The following LRP3 variants were observed in gnomAD, a reference collection of about 807,000 sequenced individuals.
The protein encoded by LRP3 is low-density lipoprotein receptor-related protein 3.
LRP3 carries 49 observed loss-of-function variants against 58.5 expected under a neutral mutation model. That is an observed-to-expected ratio of 0.84 (90% CI 0.67 to 1.06). The LOEUF is 1.06. Among genes scored for constraint, LRP3 ranks in the 50% least tolerant of loss-of-function variants. The pLI is 0.00. For missense variants in LRP3, 1,019 were observed against 1,134.2 expected (o/e 0.90, Z 1.46); for synonymous variants, 485 against 492.2 (o/e 0.99, Z 0.20).
intron 2 of LRP3, among the ~76,000 whole-genome samples, chr19:33,200,548 C>T (rs1395704204): frequency 6.6e-6 from 1 of 152,200 alleles, no homozygotes; most frequent in Non-Finnish European, 1.5e-5. Context: ...GATTTCTTCA[C>T]CCTACACCTC....
chr19:33,205,427 C>A lies in LRP3; in HGVS notation c.657C>A (p.Cys219Ter). 6.3e-7 allele frequency: 1 copy of A among 1,591,400 alleles called. No homozygotes were observed. Among genetic ancestry groups the A allele is most frequent in the Non-Finnish European group, 8.6e-7 (1 of 1,169,246 alleles). The change falls in exon 5 of 7, where the codon TGC (cysteine) becomes TGA (stop). Residue 219 changes from cysteine to a stop codon, truncating the protein, a stop_gained. Transcript: ENST00000253193. LOFTEE classifies it high-confidence loss of function. Reference protein sequence around the residue: ...GSLCPGGTFPCSGARSTRCLP... With the variant: ...GSLCPGGTFP ...TGTGCCCCGGGGGGACCTTCCCATG[C>A]AGCGGGGCGCGCTCCACGCGCTGCC... is the stretch of plus-strand genomic sequence containing the variant.
chr19:33,204,835 G>A lies in LRP3; in HGVS notation c.458G>A (p.Arg153His), dbSNP rs201977367. ...AGCTCCGGCCAGGCCCAGGGCTTCCGTCTGTCTTACATCCGAGGTGATGGA... is the reference window on the plus strand; with the variant it reads ...AGCTCCGGCCAGGCCCAGGGCTTCCATCTGTCTTACATCCGAGGTGATGGA... ...ASSSGQAQGF[R>H]LSYIRGKLGQ... The change falls in exon 4 of 7, where the codon CGT (arginine) becomes CAT (histidine). Residue 153 changes from arginine (R) to histidine (H), a missense_variant. Arg to His is a conservative substitution (Grantham distance 29, BLOSUM62 0). Around this residue, in one of 2 missense-constraint regions of LRP3, gnomAD observed 592 missense variants for 725.5 expected, o/e 0.82. Transcript: ENST00000253193. 124 of 1,613,270 alleles carry A rather than the reference G, an allele frequency of 7.7e-5. No individual in the cohort carries two copies. The highest frequency in any genetic ancestry group is 4.8e-4 in the South Asian group (44 of 91,080).
intron 2 of LRP3, among the ~76,000 whole-genome samples, 181 bp downstream of exon 2, chr19:33,196,958 T>C (rs575120025): frequency 2.0e-5 from 3 of 152,304 alleles, no homozygotes; most frequent in Admixed American, 1.3e-4. Flanking sequence ...AGTTTCCTCA[T>C]CTGTAAAGTG....
rs565756247 is a variant in LRP3, at chr19:33,205,322, G to A, written c.552G>A (p.Gln184=). ...GCAAGTGCCTGCCCGGCCCGTGGCA[G>A]TGCAACACGGTGGACGAGTGTGGAG... The part of the protein sequence containing the change: ...DNGKCLPGPW[Q]CNTVDECGDG... Residue 184 remains glutamine (Q), a synonymous_variant, in exon 5 of 7, where the codon CAG becomes CAA. Transcript: ENST00000253193. The A allele has an allele frequency of 5.6e-6, 9 of 1,611,958 alleles. No homozygotes were observed. In the South Asian group the frequency reaches 8.8e-5, roughly 16 times the overall value.
At chr19:33,203,126 CA>C (rs1316177531) in intron 3 of LRP3, 140 bp downstream of exon 3, 7 of 1,081,952 alleles carry the variant, frequency 6.5e-6, no homozygotes, top group Non-Finnish European at 9.2e-6. Flanking sequence ...GGATCATGTG[CA>C]TGTGTGTGAG....
In LRP3 at chr19:33,207,419, G is replaced by A; in HGVS notation, c.2157G>A (p.Glu719=). Reference sequence around the variant, plus strand: ...CAGCTCCTGCAGATGCACCTCGGGAGCCCTGCTCAGCCCAGGACCCGCACC... The same window carrying A: ...CAGCTCCTGCAGATGCACCTCGGGAACCCTGCTCAGCCCAGGACCCGCACC... ...DGPAPADAPR[E]PCSAQDPHPQ... Residue 719 remains glutamate, a synonymous_variant, in exon 7 of 7, where the codon GAG becomes GAA. Transcript: ENST00000253193. The A allele has an allele frequency of 1.9e-6, 3 of 1,592,034 alleles. No homozygotes were observed. The East Asian group carries it at 6.8e-5, about 36-fold the overall frequency.
rs1442258276 is a variant in LRP3 at position 33,207,126 on chromosome 19, A to C, written c.1864A>C (p.Ile622Leu). The change falls in exon 7 of 7, where the codon ATC becomes CTC. Residue 622 changes from isoleucine to leucine, a missense_variant. Around this residue, in one of 2 missense-constraint regions of LRP3, gnomAD observed 427 missense variants for 408.6 expected, o/e 1.04. Transcript: ENST00000253193. ...FHRPRAPRGQ[I>L]PLLTAARPSQ... ...CCGGCCGCGGGCGCCCCGAGGCCAG[A>C]TCCCACTGCTGACCGCAGCACGCCC... 22 of 1,530,672 alleles carry C rather than the reference A, an allele frequency of 1.4e-5. No homozygotes were observed. Among genetic ancestry groups the C allele is most frequent in the Non-Finnish European group, 2.6e-6 (3 of 1,142,382 alleles). The allele number at this position is 1,530,672 out of a possible 1,614,324, so 94.8% of individuals were successfully genotyped here. A position where few individuals can be genotyped will look rare whatever the true frequency, so the allele number is the denominator to read the frequency against.
At chr19:33,204,582 G>A (rs2145455247) in intron 3 of LRP3, 56 bp from the exon 4 acceptor site, 12 of 1,314,990 alleles carry the variant, frequency 9.1e-6, no homozygotes, top group Non-Finnish European at 1.2e-5. Context: ...GCTGGTCCTC[G>A]GCCATGGAGA....
intron 3 of LRP3, chr19:33,204,104 A>T (rs1974372728): frequency 6.3e-6 from 1 of 159,042 alleles, no homozygotes; most frequent in South Asian, 1.9e-4. Flanking sequence ...CAGTTTCCCC[A>T]AGGGCCAGGT....
Position 33,201,755 on chromosome 19 carries a change from G to A in LRP3, c.122-1093G>A, listed in dbSNP as rs567789243. ...GACCAGCGTGGGGAAGGGTCAGGGT[G>A]CTGTGGGGTGGGAGGTGTGGTCAAG... On this transcript the variant is annotated intron_variant, in intron 2 of 6. Coordinates refer to ENST00000253193, the MANE Select transcript of LRP3 (RefSeq NM_002333.4). Among the ~76,000 whole-genome samples, 47 of 152,332 alleles carry A rather than the reference G, an allele frequency of 3.1e-4. No homozygotes were observed. In the South Asian group the frequency reaches 9.1e-3, roughly 30 times the overall value.
rs763848751 is a variant in LRP3 at position 33,206,177 on chromosome 19, C to T, written c.1407C>T (p.Phe469=). 36 of 1,595,698 alleles carry T rather than the reference C, an allele frequency of 2.3e-5. No homozygotes were observed. Among genetic ancestry groups the T allele is most frequent in the East Asian group, 1.6e-4 (7 of 44,412 alleles). ...ACTGCGGTACCAACCTGTGCATCTT[C>T]GAGACGTGGCGCTGTGACGGCCAGG... The part of the protein sequence containing the change: ...TFHCGTNLCI[F]ETWRCDGQED... The change falls in exon 5 of 7, where the codon TTC becomes TTT. Residue 469 remains phenylalanine, a synonymous_variant. Coordinates refer to ENST00000253193, the MANE Select transcript of LRP3 (RefSeq NM_002333.4).
intron 1 of LRP3, 68 bp from the exon 2 acceptor site, chr19:33,196,662 C>T: frequency 6.9e-7 from 1 of 1,457,988 alleles, no homozygotes; most frequent in South Asian, 1.1e-5. Flanking sequence ...TGTGGTGTCC[C>T]TCATGGGCTG....
Position 33,206,691 on chromosome 19 carries a change from C to T in LRP3, c.1683C>T (p.Leu561=). 6.4e-7 allele frequency: 1 copy of T among 1,551,616 alleles called. No homozygotes were observed. The highest frequency in any genetic ancestry group is 8.7e-7 in the Non-Finnish European group (1 of 1,150,048). Residue 561 remains leucine (L), a synonymous_variant, in exon 6 of 7, where the codon CTC becomes CTT. Transcript: ENST00000253193. ...ATGGTCAGCTCATCGCCCAGGGCCT[C>T]ATTCCACCCGTGGAGGACTTTCCTG... ...PSYGQLIAQG[L]IPPVEDFPVY...
chr19:33,207,027 C>T lies in LRP3; in HGVS notation c.1765C>T (p.Gln589Ter). The change falls in exon 7 of 7, where the codon CAG becomes TAG. Residue 589 changes from glutamine (Q) to a stop codon, truncating the protein, a stop_gained. Coordinates refer to ENST00000253193, the MANE Select transcript of LRP3 (RefSeq NM_002333.4). LOFTEE classifies it high-confidence loss of function. ...LQNLRTAMRR[Q>*]MRRHASRRGP... ...GAATCTTCGCACAGCCATGCGGAGA[C>T]AGATGCGTCGGCACGCCTCCCGCCG... The T allele has an allele frequency of 6.7e-7, 1 of 1,492,046 alleles. No homozygotes were observed. The highest frequency in any genetic ancestry group is 8.9e-7 in the Non-Finnish European group (1 of 1,126,736). The allele number at this position is 1,492,046 out of a possible 1,614,324, so 92.4% of individuals were successfully genotyped here.
intron 2 of LRP3, among the ~76,000 whole-genome samples, chr19:33,198,547 G>A (rs1249614763): frequency 6.6e-6 from 1 of 152,178 alleles, no homozygotes; most frequent in Non-Finnish European, 1.5e-5. Flanking sequence ...CTGCTGTGTG[G>A]GACCCTGGAT....
At position 33,204,668 on chromosome 19, in the gene LRP3, C is replaced by G. The variant is rs200224247; in HGVS notation, c.291C>G (p.His97Gln). 12 of 1,608,020 alleles carry G rather than the reference C, an allele frequency of 7.5e-6. No homozygotes were observed. Among genetic ancestry groups the G allele is most frequent in the Non-Finnish European group, 8.5e-6 (10 of 1,179,872 alleles). Reference sequence around the variant, plus strand: ...GCAACTTTGACGTGGAGGAGTCCCACCAGTGCTCCCTGGACTGGCTCCTGC... The same window carrying G: ...GCAACTTTGACGTGGAGGAGTCCCAGCAGTGCTCCCTGGACTGGCTCCTGC... ...SFRNFDVEESHQCSLDWLLLG... is the reference protein window; with the variant it reads ...SFRNFDVEESQQCSLDWLLLG... The change falls in exon 4 of 7, where the codon CAC (histidine) becomes CAG (glutamine). Residue 97 changes from histidine to glutamine, a missense_variant. Around this residue, in one of 2 missense-constraint regions of LRP3, gnomAD observed 592 missense variants for 725.5 expected, o/e 0.82. Coordinates refer to ENST00000253193, the MANE Select transcript of LRP3 (RefSeq NM_002333.4).
At position 33,204,927 on chromosome 19, in the gene LRP3, G is replaced by A; in HGVS notation, c.475+75G>A. 5.0e-6 allele frequency: 7 copies of A among 1,394,712 alleles called. No homozygotes were observed. In the South Asian group the frequency reaches 8.6e-5, roughly 17 times the overall value. 86.4% of individuals were successfully genotyped at this position (1,394,712 alleles called of 1,614,324 possible). On this transcript the variant is annotated intron_variant, in intron 4 of 6. Coordinates refer to ENST00000253193, the MANE Select transcript of LRP3 (RefSeq NM_002333.4). The stretch of plus-strand genomic sequence containing the variant: ...GCCCACAGGCTCCCGGCCCACAGGG[G>A]CGGCACCCTCCACAGGGCCCCGGCT...
intron 2 of LRP3, among the ~76,000 whole-genome samples, chr19:33,199,931 T>A (rs1599933296): frequency 6.6e-6 from 1 of 152,076 alleles, no homozygotes; most frequent in Non-Finnish European, 1.5e-5. Context: ...GAGGGGCAGG[T>A]CTATGTCTGT....
intron 2 of LRP3, among the ~76,000 whole-genome samples, chr19:33,202,443 G>A (rs1895005693): frequency 6.6e-6 from 1 of 152,236 alleles, no homozygotes; most frequent in Non-Finnish European, 1.5e-5. Flanking sequence ...GCAGGCAGGG[G>A]GCCATCGCAG....
Sources: allele counts gnomAD v4.1 joint callset (sites outside exome capture counted in the v4.1 genomes callset), GRCh38; gene constraint gnomAD v4.1.1; regional missense constraint gnomAD v4.1.1; transcripts MANE v1.5; gene names NCBI Gene and HGNC (gene_info 2026-07-23, HGNC 2026-07-21).